TMC1: variants seen among roughly 807,000 people sequenced by gnomAD.
TMC1 encodes the protein transmembrane channel like 1.
A neutral mutation model predicts 105.8 loss-of-function variants in TMC1; 84 were observed. The observed-to-expected ratio is 0.79, with a 90% confidence interval of 0.67 to 0.95. The LOEUF is 0.95. TMC1 is among the 40% of genes least tolerant of loss of function. The pLI, the probability that TMC1 is intolerant of heterozygous loss-of-function variation, is 0.00. For missense variants in TMC1, 817 were observed against 914.1 expected (o/e 0.89, Z 1.37); for synonymous variants, 315 against 311.5 (o/e 1.01, Z -0.12).
At chr9:72,709,679 T>C (rs1826802767) in intron 8 of TMC1, among the ~76,000 whole-genome samples, 1 of 152,128 alleles carries the variant, frequency 6.6e-6, no homozygotes, top group Non-Finnish European at 1.5e-5. Flanking sequence ...TGAGTGATCT[T>C]TTGTATTTCT....
chr9:72,526,572 G>A lies in TMC1; in HGVS notation c.-428+4659G>A, dbSNP rs118062700. Among the ~76,000 whole-genome samples the A allele has an allele frequency of 7.0e-3, 1,069 of 152,266 alleles. 8 individuals are homozygous for A. Among genetic ancestry groups the A allele is most frequent in the Non-Finnish European group, 0.012 (791 of 68,016 alleles). On this transcript the variant is annotated intron_variant, in intron 1 of 23. Transcript: ENST00000297784. ...TATAATTGGTATTTTCACCCTAAGAGCTTTCTTTTTCCTCTCTGGTGTTTA... is the reference window on the plus strand; with the variant it reads ...TATAATTGGTATTTTCACCCTAAGAACTTTCTTTTTCCTCTCTGGTGTTTA...
chr9:72,602,521 T>C (rs1468135138), intron 2 of TMC1, among the ~76,000 whole-genome samples: 1 of 151,924 alleles, frequency 6.6e-6, no homozygotes, highest in Non-Finnish European at 1.5e-5. Context: ...ACTACAGGCA[T>C]GTGCTACCAT....
intron 8 of TMC1, among the ~76,000 whole-genome samples, chr9:72,711,127 A>G (rs1226088822): frequency 6.6e-6 from 1 of 152,180 alleles, no homozygotes; most frequent in African/African-American, 2.4e-5. Flanking sequence ...ATAGTATTCC[A>G]TGGTGTATAT....
Position 72,616,269 on chromosome 9 carries a change from A to T in TMC1, c.-305-99A>T, listed in dbSNP as rs1263553598. 7 of 152,338 alleles carry T rather than the reference A, an allele frequency of 4.6e-5. No individual in the cohort carries two copies. The East Asian group carries it at 1.3e-3, about 29-fold the overall frequency. The allele number at this position is 152,338 out of a possible 1,614,324, so 9.4% of individuals were successfully genotyped here. A position where few individuals can be genotyped will look rare whatever the true frequency, so the allele number is the denominator to read the frequency against. ...ACAGGGTCAGGGACAGGTAAAATTC[A>T]CAAAGTTGGTTTACAGCAGAACTGT... On this transcript the variant is annotated intron_variant, in intron 2 of 23. Coordinates refer to ENST00000297784, the MANE Select transcript of TMC1 (RefSeq NM_138691.3).
chr9:72,719,128 G>T (rs1826972093), intron 8 of TMC1, among the ~76,000 whole-genome samples: 2 of 152,188 alleles, frequency 1.3e-5, no homozygotes, highest in Admixed American at 1.3e-4. Context: ...CAGCCTCCTG[G>T]TTGAGAAAGC....
At chr9:72,821,142 G>C in intron 20 of TMC1, 61 bp downstream of exon 20, 2 of 1,610,352 alleles carry the variant, frequency 1.2e-6, no homozygotes, top group Admixed American at 3.3e-5. Flanking sequence ...AGGTGGGAAT[G>C]GTCATTCATT....
intron 1 of TMC1, among the ~76,000 whole-genome samples, chr9:72,545,106 TATGGCTGAGTAGTATTTC>T: frequency 6.6e-6 from 1 of 151,926 alleles, no homozygotes; most frequent in East Asian, 1.9e-4. Context: ...TGTTCCTTTT[TATGGCTGAGTAGTATTTC>T]ATGATATATA....
intron 10 of TMC1, among the ~76,000 whole-genome samples, chr9:72,743,566 C>CAAAAAAA (rs386415092): frequency 9.8e-6 from 1 of 101,682 alleles, no homozygotes; most frequent in Admixed American, 1.1e-4. Context: ...GACTCTGTTT[C>CAAAAAAA]AAAAAAAAAA....
chr9:72,799,641 A>G (rs1445913820), intron 17 of TMC1, among the ~76,000 whole-genome samples: 1 of 152,152 alleles, frequency 6.6e-6, no homozygotes, highest in African/African-American at 2.4e-5. Flanking sequence ...TGCACATTTC[A>G]TACAACTTAC....
chr9:72,835,784 T>C (rs796201923), intron 23 of TMC1, among the ~76,000 whole-genome samples, 167 bp from the exon 24 acceptor site: 19 of 152,152 alleles, frequency 1.2e-4, no homozygotes, highest in African/African-American at 4.6e-4. Flanking sequence ...AACATTAAAA[T>C]GGTAAATATT....
At chr9:72,752,473 C>G (rs1023768765) in intron 11 of TMC1, among the ~76,000 whole-genome samples, 8 of 151,612 alleles carry the variant, frequency 5.3e-5, no homozygotes, top group African/African-American at 1.7e-4. Context: ...CACACACACA[C>G]AAATAGTGGG....
intron 8 of TMC1, among the ~76,000 whole-genome samples, chr9:72,720,271 G>A (rs890635972): frequency 2.6e-5 from 4 of 152,200 alleles, no homozygotes; most frequent in African/African-American, 7.2e-5. Context: ...ACACTACCAA[G>A]CAAGCTCTCC....
intron 2 of TMC1, among the ~76,000 whole-genome samples, chr9:72,600,117 T>C (rs1824782958): frequency 6.6e-6 from 1 of 152,228 alleles, no homozygotes; most frequent in South Asian, 2.1e-4. Context: ...CATTTAAGTC[T>C]TTTAAGCTGA....
At chr9:72,566,682 C>A (rs1295580162) in intron 1 of TMC1, among the ~76,000 whole-genome samples, 1 of 152,166 alleles carries the variant, frequency 6.6e-6, no homozygotes, top group East Asian at 1.9e-4. Context: ...CCTCAGACTC[C>A]GATAAAAAAG....
At chr9:72,758,112 A>G (rs1486652431) in intron 12 of TMC1, among the ~76,000 whole-genome samples, 1 of 152,222 alleles carries the variant, frequency 6.6e-6, no homozygotes, top group Non-Finnish European at 1.5e-5. Context: ...AAGGAATTTT[A>G]TATGATATAC....
chr9:72,703,482 G>A (rs1337057984), intron 8 of TMC1, among the ~76,000 whole-genome samples: 1 of 152,204 alleles, frequency 6.6e-6, no homozygotes, highest in African/African-American at 2.4e-5. Flanking sequence ...TCATGAACAA[G>A]TGGAAGATTT....
chr9:72,593,842 G>A (rs1824678170), intron 2 of TMC1, among the ~76,000 whole-genome samples: 1 of 152,148 alleles, frequency 6.6e-6, no homozygotes, highest in African/African-American at 2.4e-5. Flanking sequence ...TGGTTGTGTT[G>A]CAGCCTCGTT....
chr9:72,583,036 C>T (rs549235389), intron 2 of TMC1, among the ~76,000 whole-genome samples: 64 of 152,242 alleles, frequency 4.2e-4, no homozygotes, highest in African/African-American at 1.5e-3. Flanking sequence ...GCCTGGCCAA[C>T]ATGGTGAAAC....
At chr9:72,835,469 A>G (rs1170135747) in intron 23 of TMC1, among the ~76,000 whole-genome samples, 1 of 152,228 alleles carries the variant, frequency 6.6e-6, no homozygotes, top group Non-Finnish European at 1.5e-5. Flanking sequence ...GTACTTAAGA[A>G]TGGAAAATTC....
Sources: gnomAD v4.1 joint callset for allele counts (sites outside exome capture counted in the v4.1 genomes callset) on GRCh38, gnomAD v4.1.1 for gene constraint, MANE v1.5 for transcripts, NCBI Gene and HGNC (gene_info 2026-07-23, HGNC 2026-07-21) for gene names.